MED26: variants seen among roughly 807,000 people sequenced by gnomAD.
MED26 encodes the protein mediator of RNA polymerase II transcription subunit 26.
Under a neutral mutation model 43.7 loss-of-function variants are expected in MED26, and 7 were observed. That is an observed-to-expected ratio of 0.16 (90% CI 0.09 to 0.30). The LOEUF (loss-of-function observed/expected upper bound fraction) is 0.30. Ranked by LOEUF, MED26 falls within the 10% of genes least tolerant of loss-of-function variation. The probability of loss-of-function intolerance (pLI) is 1.00; values close to 1 mark genes in which losing one functional copy is unlikely to be tolerated. For missense variants in MED26, 784 were observed against 840.6 expected, an observed-to-expected ratio of 0.93 and a Z score of 0.83; for synonymous variants, 375 against 371.1, an observed-to-expected ratio of 1.01 and a Z score of -0.12.
At chr19:16,583,159 G>A (rs529178800) in intron 1 of MED26, among the ~76,000 whole-genome samples, 3 of 152,372 alleles carry the variant, frequency 2.0e-5, no homozygotes, top group African/African-American at 7.2e-5. Context: ...TCTGTGGCCC[G>A]ATGGCCAATT....
At chr19:16,584,290 C>T (rs760478800) in intron 1 of MED26, among the ~76,000 whole-genome samples, 4 of 146,830 alleles carry the variant, frequency 2.7e-5, no homozygotes, top group Non-Finnish European at 4.5e-5. Flanking sequence ...GAAACCCAAA[C>T]ACTGCCCCCC....
intron 1 of MED26, among the ~76,000 whole-genome samples, chr19:16,585,102 C>G (rs997447771): frequency 3.3e-5 from 5 of 152,124 alleles, no homozygotes; most frequent in Non-Finnish European, 2.9e-5. Flanking sequence ...CTGGTGAGAC[C>G]CCAGGAGCCC....
chr19:16,594,324 G>A (rs2086110926), intron 1 of MED26, among the ~76,000 whole-genome samples: 1 of 152,204 alleles, frequency 6.6e-6, no homozygotes, highest in Non-Finnish European at 1.5e-5. Flanking sequence ...GGTGGCTCTG[G>A]GGAAAGCCCA....
At chr19:16,579,481 A>G (rs2086033261) in intron 1 of MED26, among the ~76,000 whole-genome samples, 1 of 152,256 alleles carries the variant, frequency 6.6e-6, no homozygotes, top group African/African-American at 2.4e-5. Flanking sequence ...TGAAGCATGA[A>G]CACATCCCAT....
chr19:16,604,695 C>T (rs1383373338), intron 1 of MED26, among the ~76,000 whole-genome samples: 2 of 152,190 alleles, frequency 1.3e-5, no homozygotes, highest in East Asian at 1.9e-4. Context: ...ACCTGTTACT[C>T]ACTGTCATTC....
chr19:16,624,185 T>G (rs376510390), intron 1 of MED26: 5 of 151,952 alleles, frequency 3.3e-5, no homozygotes, highest in South Asian at 2.1e-4. Flanking sequence ...AACTTAGATC[T>G]GGAAGGAGCT....
At chr19:16,616,548 C>T (rs148215137) in intron 1 of MED26, among the ~76,000 whole-genome samples, 11 of 152,130 alleles carry the variant, frequency 7.2e-5, no homozygotes, top group Admixed American at 7.2e-4. Flanking sequence ...TCCAGGATGG[C>T]CCTAAGGTGG....
chr19:16,614,318 A>G (rs1227451606), intron 1 of MED26, among the ~76,000 whole-genome samples: 2 of 152,146 alleles, frequency 1.3e-5, no homozygotes, highest in African/African-American at 4.8e-5. Context: ...GCTTGAGCTC[A>G]GGAATTTGAG....
rs1010339920 is a variant in MED26, at chr19:16,576,922, C to T, written c.908G>A (p.Arg303Gln). ...CTGTGTGGCATCGAGTGCCTGGGGCCGCGGTGAGGGGCTGGGCACGGAGCC... is the reference window on the plus strand; with the variant it reads ...CTGTGTGGCATCGAGTGCCTGGGGCTGCGGTGAGGGGCTGGGCACGGAGCC... ...PKGSVPSPSP[R>Q]PQALDATQVP... is the part of the protein sequence containing the mutation. The change falls in exon 3 of 3, where the codon CGG becomes CAG. Residue 303 changes from arginine to glutamine, a missense_variant. By Grantham distance (43) the Arg-to-Gln change is conservative. Around this residue, in one of 3 missense-constraint regions of MED26, gnomAD observed 719 missense variants for 730.9 expected, o/e 0.98. Coordinates refer to ENST00000263390, the MANE Select transcript of MED26 (RefSeq NM_004831.5). This position sits in a 1 kb window ranked among gnomAD's most constrained non-coding sequence, Gnocchi z 6.8. 24 of 1,596,662 alleles carry T rather than the reference C, an allele frequency of 1.5e-5. No individual in the cohort carries two copies. Among genetic ancestry groups the T allele is most frequent in the Middle Eastern group, 3.3e-4 (2 of 6,012 alleles).
intron 1 of MED26, among the ~76,000 whole-genome samples, chr19:16,621,587 G>A (rs2122458405): frequency 6.6e-6 from 1 of 152,268 alleles, no homozygotes; most frequent in East Asian, 1.9e-4. Flanking sequence ...TTCCCAGAGG[G>A]CTGCTGGTAC....
intron 1 of MED26, among the ~76,000 whole-genome samples, chr19:16,582,878 T>C (rs1477863113): frequency 1.3e-5 from 2 of 152,180 alleles, no homozygotes; most frequent in Non-Finnish European, 2.9e-5. Flanking sequence ...GGAGAGGCCA[T>C]GGGTAAGGAC....
chr19:16,581,931 C>T (rs2086047870), intron 1 of MED26, among the ~76,000 whole-genome samples: 1 of 152,246 alleles, frequency 6.6e-6, no homozygotes, highest in East Asian at 1.9e-4. Flanking sequence ...GAGGAGCCCG[C>T]CTGCTCTACC....
intron 1 of MED26, among the ~76,000 whole-genome samples, chr19:16,608,616 T>G (rs1357765364): frequency 1.3e-5 from 2 of 152,270 alleles, no homozygotes; most frequent in Non-Finnish European, 2.9e-5. Context: ...AATGAAGATT[T>G]TACTTTTTTC....
chr19:16,609,046 G>A (rs1245055677), intron 1 of MED26, among the ~76,000 whole-genome samples: 2 of 152,012 alleles, frequency 1.3e-5, no homozygotes, highest in African/African-American at 4.8e-5. Flanking sequence ...CTGGTGCAGC[G>A]GCTCACACAT....
chr19:16,616,380 T>C (rs185952612), intron 1 of MED26, among the ~76,000 whole-genome samples: 1 of 152,316 alleles, frequency 6.6e-6, no homozygotes, highest in East Asian at 1.9e-4. Context: ...TTCTCCACTA[T>C]ATGCCACCTA....
At position 16,577,814 on chromosome 19, in the gene MED26, C is replaced by A; in HGVS notation, c.148-132G>T. Reference sequence around the variant, plus strand: ...ACTGAGCCCTAAACTGCCAGCTTCCCTGACACAAAACTTCTGGGGATTTCC... The same window carrying A: ...ACTGAGCCCTAAACTGCCAGCTTCCATGACACAAAACTTCTGGGGATTTCC... On this transcript the variant is annotated intron_variant, in intron 2 of 2. Transcript: ENST00000263390. This position sits in a 1 kb window ranked among gnomAD's most constrained non-coding sequence, Gnocchi z 8.1. 1.6e-6 allele frequency: 1 copy of A among 631,686 alleles called. No individual in the cohort carries two copies. Among genetic ancestry groups the A allele is most frequent in the South Asian group, 2.3e-5 (1 of 43,784 alleles). The allele number at this position is 631,686 out of a possible 1,614,324, so 39.1% of individuals were successfully genotyped here. A position where few individuals can be genotyped will look rare whatever the true frequency, so the allele number is the denominator to read the frequency against.
chr19:16,620,445 G>A (rs1203588329), intron 1 of MED26, among the ~76,000 whole-genome samples: 1 of 152,206 alleles, frequency 6.6e-6, no homozygotes, highest in Non-Finnish European at 1.5e-5. Context: ...TGGCACCTAG[G>A]ACCTGCTCAG....
At chr19:16,578,134 A>T in intron 2 of MED26, 1 of 608,638 alleles carries the variant, frequency 1.6e-6, no homozygotes, top group Non-Finnish European at 3.0e-6. Context: ...CTGGGCATGT[A>T]GGATGGGAGT....
At chr19:16,624,533 G>C (rs551646894) in intron 1 of MED26, 1 of 152,364 alleles carries the variant, frequency 6.6e-6, no homozygotes, top group East Asian at 1.9e-4. Context: ...CAGCTAGCAA[G>C]CCCTGCCCTG....
Sources: allele counts gnomAD v4.1 joint callset (sites outside exome capture counted in the v4.1 genomes callset), GRCh38; gene constraint gnomAD v4.1.1; regional missense constraint gnomAD v4.1.1; non-coding constraint Gnocchi (gnomAD v3.1); transcripts MANE v1.5; gene names NCBI Gene and HGNC (gene_info 2026-07-23, HGNC 2026-07-21).